The following CHST15 variants were observed in gnomAD, a reference collection of about 807,000 sequenced individuals.
The protein encoded by CHST15 is carbohydrate sulfotransferase 15.
In CHST15, 30 loss-of-function variants were observed where a neutral mutation model predicts 53.6. The ratio of observed to expected loss-of-function variants is 0.56; its 90% CI spans 0.42 to 0.76. The LOEUF is 0.76. Ranked by LOEUF, CHST15 falls within the 30% of genes least tolerant of loss-of-function variation. CHST15 has a pLI of 0.00. For missense variants in CHST15, 627 were observed against 740.5 expected (o/e 0.85, Z 1.78); for synonymous variants, 296 against 289.8 (o/e 1.02, Z -0.22).
chr10:124,090,694 G>A (rs1489520432), intron 1 of CHST15, among the ~76,000 whole-genome samples: 1 of 152,220 alleles, frequency 6.6e-6, no homozygotes, highest in African/African-American at 2.4e-5. Context: ...ACAAAGGTGT[G>A]GAAGGAAACT....
At chr10:124,029,559 T>C (rs971554533) in intron 5 of CHST15, among the ~76,000 whole-genome samples, 4 of 152,112 alleles carry the variant, frequency 2.6e-5, no homozygotes, top group African/African-American at 9.7e-5. Flanking sequence ...GCAGCACTTC[T>C]CAGAGGCGAC....
At chr10:124,086,068 C>T (rs1949413279) in intron 1 of CHST15, among the ~76,000 whole-genome samples, 1 of 152,232 alleles carries the variant, frequency 6.6e-6, no homozygotes, top group South Asian at 2.1e-4. Context: ...TCAACCACTA[C>T]CTCAGCTCCC....
chr10:124,014,922 T>C (rs564822878), intron 6 of CHST15, among the ~76,000 whole-genome samples: 1 of 152,230 alleles, frequency 6.6e-6, no homozygotes, highest in African/African-American at 2.4e-5. Flanking sequence ...ATGGTCCTCC[T>C]CAGCAGGCAG....
chr10:124,047,033 C>T (rs958083145), intron 1 of CHST15, among the ~76,000 whole-genome samples: 4 of 152,230 alleles, frequency 2.6e-5, no homozygotes, highest in Admixed American at 2.6e-4. Flanking sequence ...TGATACTTCT[C>T]AGGTACAGGA....
At chr10:124,088,274 G>A (rs1274077307) in intron 1 of CHST15, among the ~76,000 whole-genome samples, 1 of 152,214 alleles carries the variant, frequency 6.6e-6, no homozygotes, top group Non-Finnish European at 1.5e-5. Context: ...CCCATAAGGT[G>A]CCTGTCAACG....
chr10:124,044,482 C>T, intron 3 of CHST15, 98 bp downstream of exon 3: 1 of 1,005,714 alleles, frequency 9.9e-7, no homozygotes, highest in Non-Finnish European at 1.4e-6. Context: ...CCATCTCTTT[C>T]TGCCGCCCTC....
Position 124,036,530 on chromosome 10 carries a change from G to T in CHST15, c.1190+1985C>A, listed in dbSNP as rs747144584. On this transcript the variant is annotated intron_variant, in intron 5 of 7. Coordinates refer to ENST00000435907, the MANE Select transcript of CHST15 (RefSeq NM_001270764.2). This position sits in a 1 kb window ranked among gnomAD's most constrained non-coding sequence, Gnocchi z 5.1. ...GACCAGGTCATACTCAGAGCAGCGG[G>T]AGCCATGCAGACTCCACAAGAGGGA... Among the ~76,000 whole-genome samples, 1 of 152,058 alleles carries T rather than the reference G, an allele frequency of 6.6e-6. No homozygotes were observed. The highest frequency in any genetic ancestry group is 6.5e-5 in the Admixed American group (1 of 15,278).
At chr10:124,069,496 G>A (rs1948848974) in intron 1 of CHST15, among the ~76,000 whole-genome samples, 1 of 152,138 alleles carries the variant, frequency 6.6e-6, no homozygotes, top group Admixed American at 6.5e-5. Flanking sequence ...AGGGTCTCTG[G>A]CAAGTCTCTG....
At chr10:124,070,073 T>C (rs1297722535) in intron 1 of CHST15, among the ~76,000 whole-genome samples, 1 of 152,154 alleles carries the variant, frequency 6.6e-6, no homozygotes, top group Non-Finnish European at 1.5e-5. Flanking sequence ...TGTGAGTGCT[T>C]TGTAGAGAGC....
chr10:124,070,568 G>T (rs535153255), intron 1 of CHST15, among the ~76,000 whole-genome samples: 1 of 152,136 alleles, frequency 6.6e-6, no homozygotes, highest in South Asian at 2.1e-4. Context: ...ATAGAAACGG[G>T]GTTTCACCAC....
At chr10:124,020,587 A>G (rs910052055) in intron 6 of CHST15, 21 of 986,024 alleles carry the variant, frequency 2.1e-5, no homozygotes, top group Admixed American at 6.1e-5. Flanking sequence ...CGAGACGCTG[A>G]GCAGAGCAAG....
intron 5 of CHST15, among the ~76,000 whole-genome samples, chr10:124,025,077 A>T (rs1209777463): frequency 6.6e-6 from 1 of 152,188 alleles, no homozygotes; most frequent in Non-Finnish European, 1.5e-5. Flanking sequence ...CATACTGAGA[A>T]TTTTCTTTGT....
chr10:124,084,043 ACT>A (rs1949337284), intron 1 of CHST15, among the ~76,000 whole-genome samples: 5 of 152,156 alleles, frequency 3.3e-5, no homozygotes, highest in Admixed American at 3.3e-4. Flanking sequence ...GATGTCAGAC[ACT>A]CTGAGGCTCA....
In CHST15 at chr10:124,055,764, G is replaced by A. The variant is rs1948357652; in HGVS notation, c.-512-9040C>T. Among the ~76,000 whole-genome samples the A allele has an allele frequency of 2.0e-5, 3 of 152,284 alleles. No individual in the cohort carries two copies. In the South Asian group the frequency reaches 6.2e-4, roughly 32 times the overall value. On this transcript the variant is annotated intron_variant, in intron 1 of 7. Coordinates refer to ENST00000435907, the MANE Select transcript of CHST15 (RefSeq NM_001270764.2). ...CTTGTTTCAGTGCTCAACAACAAGG[G>A]CCAACTTTCCAGAAACGCACCCATC...
chr10:124,044,754 C>T lies in CHST15; in HGVS notation c.712G>A (p.Gly238Ser), dbSNP rs767941511. ...TFDALRKAFWGHLAHAHGKHF... is the reference protein window; with the variant it reads ...TFDALRKAFWSHLAHAHGKHF... ...TTCCCGTGCGCGTGCGCCAGGTGGC[C>T]CCAGAAGGCCTTGCGCAGGGCGTCG... Residue 238 changes from glycine to serine, a missense_variant, in exon 3 of 8, where the codon GGC (glycine) becomes AGC (serine). Coordinates refer to ENST00000435907, the MANE Select transcript of CHST15 (RefSeq NM_001270764.2). 27 of 1,612,632 alleles carry T rather than the reference C, an allele frequency of 1.7e-5. No individual in the cohort carries two copies. The highest frequency in any genetic ancestry group is 2.2e-5 in the Non-Finnish European group (26 of 1,179,468).
At chr10:124,067,066 G>A (rs1948772682) in intron 1 of CHST15, among the ~76,000 whole-genome samples, 1 of 152,224 alleles carries the variant, frequency 6.6e-6, no homozygotes, top group African/African-American at 2.4e-5. Context: ...CCATCTGAGT[G>A]ACAAGACAGT....
intron 1 of CHST15, among the ~76,000 whole-genome samples, chr10:124,056,777 G>C (rs1024073880): frequency 2.6e-5 from 4 of 151,196 alleles, no homozygotes; most frequent in African/African-American, 9.7e-5. Context: ...CCGTACGACC[G>C]GACACTCCGC....
intron 5 of CHST15, among the ~76,000 whole-genome samples, chr10:124,031,753 T>C (rs1305759219): frequency 6.6e-6 from 1 of 152,210 alleles, no homozygotes; most frequent in Non-Finnish European, 1.5e-5. Context: ...TTACTACAAA[T>C]ATTAAGTCAT....
At position 124,017,053 on chromosome 10, in the gene CHST15, C is replaced by T. The variant is rs189300300; in HGVS notation, c.1347+4203G>A. Among the ~76,000 whole-genome samples the T allele has an allele frequency of 1.5e-3, 230 of 152,204 alleles. 2 individuals carry two copies. Among genetic ancestry groups the T allele is most frequent in the African/African-American group, 5.4e-3 (225 of 41,508 alleles). The stretch of plus-strand genomic sequence containing the variant: ...TGCCCCCAGGGCGCTGGATGGGAGT[C>T]GGCACACTCTGCATGGTACAAAGTG... On this transcript the variant is annotated intron_variant, in intron 6 of 7. Transcript: ENST00000435907.
Sources: gnomAD v4.1 joint callset for allele counts (sites outside exome capture counted in the v4.1 genomes callset) on GRCh38, gnomAD v4.1.1 for gene constraint, Gnocchi (gnomAD v3.1) non-coding constraint, MANE v1.5 for transcripts, NCBI Gene and HGNC (gene_info 2026-07-23, HGNC 2026-07-21) for gene names.